Variants in SMYD2 observed in about 807,000 individuals in gnomAD.
SMYD2 encodes N-lysine methyltransferase SMYD2.
In SMYD2, 53 loss-of-function variants were observed where a neutral mutation model predicts 59.1. The observed-to-expected ratio is 0.90, with a 90% confidence interval of 0.72 to 1.13. The LOEUF is 1.13. Among genes scored for constraint, SMYD2 ranks in the 50% most tolerant of loss-of-function variants. The pLI is 0.00. For synonymous variants in SMYD2, 208 were observed against 198.8 expected, an observed-to-expected ratio of 1.05 and a Z score of -0.39; for missense variants, 494 against 544.7, an observed-to-expected ratio of 0.91 and a Z score of 0.93.
At chr1:214,292,799 A>G (rs901241319) in intron 1 of SMYD2, among the ~76,000 whole-genome samples, 2 of 152,010 alleles carry the variant, frequency 1.3e-5, no homozygotes, top group Admixed American at 6.5e-5. Context: ...TTAGACTCCA[A>G]GTTCAATTTG....
chr1:214,298,737 A>G (rs567433852), intron 1 of SMYD2, among the ~76,000 whole-genome samples: 82 of 152,368 alleles, frequency 5.4e-4, no homozygotes, highest in African/African-American at 9.6e-4. Context: ...AAGAAGACAT[A>G]CAAGTGGCCA....
intron 6 of SMYD2, among the ~76,000 whole-genome samples, chr1:214,325,773 CTTTT>C (rs59821609): frequency 0.32 from 37,866 of 118,752 alleles, 5,518 homozygotes; most frequent in Non-Finnish European, 0.35. Context: ...AGGAAAGAAG[CTTTT>C]TTTTTTTTTT....
intron 10 of SMYD2, chr1:214,333,907 TCTG>T (rs1312136653): frequency 2.4e-5 from 6 of 249,990 alleles, no homozygotes; most frequent in Non-Finnish European, 1.6e-5. Flanking sequence ...AATATAAAAA[TCTG>T]GACTGGGATT....
At chr1:214,304,558 CAAAA>C (rs56254326) in intron 1 of SMYD2, among the ~76,000 whole-genome samples, 2 of 48,040 alleles carry the variant, frequency 4.2e-5, no homozygotes, top group African/African-American at 1.8e-4. Flanking sequence ...GACCCTATCT[CAAAA>C]AAAAAAAAAA....
rs554398422 is a variant in SMYD2 at position 214,335,213 on chromosome 1, A to G, written c.1221+905A>G. On this transcript the variant is annotated intron_variant, in intron 11 of 11. Transcript: ENST00000366957. ...AAAGTTTCCCAATAGACTATTTGCG[A>G]AGATGGAATAAGGCCCACATCCCAA... 1.3e-3 allele frequency among the ~76,000 whole-genome samples: 197 copies of G among 152,382 alleles called. 1 individual carries two copies. Among genetic ancestry groups the G allele is most frequent in the Admixed American group, 4.2e-3 (64 of 15,308 alleles).
intron 2 of SMYD2, among the ~76,000 whole-genome samples, chr1:214,313,087 G>A (rs1291792728): frequency 2.6e-5 from 4 of 152,212 alleles, no homozygotes; most frequent in South Asian, 4.1e-4. Context: ...AGAGAGCAGC[G>A]TCAAGGATGA....
chr1:214,288,879 T>G (rs1656592120), intron 1 of SMYD2, among the ~76,000 whole-genome samples: 1 of 151,998 alleles, frequency 6.6e-6, no homozygotes, highest in South Asian at 2.1e-4. Flanking sequence ...TCAGCCTTTA[T>G]ACCTACATAT....
intron 2 of SMYD2, among the ~76,000 whole-genome samples, chr1:214,310,837 C>T (rs1002908141): frequency 6.6e-5 from 10 of 152,054 alleles, no homozygotes; most frequent in African/African-American, 2.4e-4. Context: ...ATATATGGAC[C>T]ATCTCTATGA....
intron 3 of SMYD2, among the ~76,000 whole-genome samples, chr1:214,315,661 G>A (rs761754479): frequency 7.2e-5 from 11 of 152,284 alleles, no homozygotes; most frequent in Admixed American, 1.3e-4. Flanking sequence ...TGTCTTGGGC[G>A]GCAGCAAGAC....
At chr1:214,315,168 C>A (rs1483693897) in intron 3 of SMYD2, among the ~76,000 whole-genome samples, 1 of 152,186 alleles carries the variant, frequency 6.6e-6, no homozygotes, top group Non-Finnish European at 1.5e-5. Flanking sequence ...AAAAGCCTGA[C>A]CTCAAATAAT....
chr1:214,335,136 A>C (rs959031361), intron 11 of SMYD2, among the ~76,000 whole-genome samples: 1 of 152,224 alleles, frequency 6.6e-6, no homozygotes, highest in African/African-American at 2.4e-5. Flanking sequence ...GAAACTTTAT[A>C]AAATGCTGGG....
intron 1 of SMYD2, among the ~76,000 whole-genome samples, chr1:214,288,541 G>A (rs1302806530): frequency 6.6e-5 from 10 of 152,062 alleles, no homozygotes; most frequent in Non-Finnish European, 5.9e-5. Context: ...CTGGAGACTG[G>A]GGGCTTAATC....
chr1:214,318,902 T>G lies in SMYD2; in HGVS notation c.453T>G (p.Ser151Arg). The G allele has an allele frequency of 6.2e-7, 1 of 1,613,948 alleles. No homozygotes were observed. The highest frequency in any genetic ancestry group is 8.5e-7 in the Non-Finnish European group (1 of 1,179,946). The change falls in exon 5 of 12, where the codon AGT becomes AGG. Residue 151 changes from serine to arginine, a missense_variant. Physicochemically the swap from Ser to Arg is moderately radical, Grantham distance 110. Coordinates refer to ENST00000366957, the MANE Select transcript of SMYD2 (RefSeq NM_020197.3). The surrounding 1 kb of genome is among the most constrained non-coding windows in gnomAD (Gnocchi z 5.4). ...LDNEKKDLIQ[S>R]DIAALHHFYS... ...ATGAGAAGAAGGATTTGATTCAGAG[T>G]GACATAGCTGCTCTCCATCACTTTT...
intron 1 of SMYD2, among the ~76,000 whole-genome samples, chr1:214,293,116 G>C (rs553661579): frequency 2.1e-4 from 32 of 149,788 alleles, no homozygotes; most frequent in Non-Finnish European, 4.0e-4. Context: ...GCAATAGCAC[G>C]ATCTCTGCTC....
chr1:214,316,137 AG>A, intron 3 of SMYD2, among the ~76,000 whole-genome samples: 1 of 152,298 alleles, frequency 6.6e-6, no homozygotes, highest in Middle Eastern at 3.4e-3. Context: ...GTGCTGTCAG[AG>A]AAGTTGGTGG....
chr1:214,282,401 T>A (rs140183193), intron 1 of SMYD2, among the ~76,000 whole-genome samples: 1 of 152,322 alleles, frequency 6.6e-6, no homozygotes, highest in East Asian at 1.9e-4. Context: ...CTCAGTAAAT[T>A]TACTAAGGCA....
At chr1:214,314,136 C>T (rs1657042779) in intron 2 of SMYD2, among the ~76,000 whole-genome samples, 1 of 151,820 alleles carries the variant, frequency 6.6e-6, no homozygotes, top group African/African-American at 2.4e-5. Context: ...GAGATCGCGC[C>T]ACTGCACTGC....
At position 214,281,243 on chromosome 1, in the gene SMYD2, C is replaced by T. The variant is rs1413452622; in HGVS notation, c.-12C>T. On this transcript the variant is annotated 5_prime_UTR_variant, in exon 1 of 12. Transcript: ENST00000366957. ...GCTCGGGCACAGCCGGCGGCCGCGC[C>T]CCGCCGCCACCATGAGGGCCGAGGG... The T allele has an allele frequency of 1.2e-5, 15 of 1,233,568 alleles. No homozygotes were observed. 76.4% of individuals were successfully genotyped at this position (1,233,568 alleles called of 1,614,324 possible). A position where few individuals can be genotyped will look rare whatever the true frequency, so the allele number is the denominator to read the frequency against.
chr1:214,286,907 A>C (rs1051403832), intron 1 of SMYD2, among the ~76,000 whole-genome samples: 1 of 150,794 alleles, frequency 6.6e-6, no homozygotes, highest in African/African-American at 2.4e-5. Context: ...CTAGAGTGCA[A>C]TGGCACAATC....
Sources: allele counts gnomAD v4.1 joint callset (sites outside exome capture counted in the v4.1 genomes callset), GRCh38; gene constraint gnomAD v4.1.1; non-coding constraint Gnocchi (gnomAD v3.1); transcripts MANE v1.5; gene names NCBI Gene and HGNC (gene_info 2026-07-23, HGNC 2026-07-21).